MYH11: variants seen among roughly 807,000 people sequenced by gnomAD.
The protein encoded by MYH11 is myosin heavy chain 11.
A neutral mutation model predicts 246.6 loss-of-function variants in MYH11; 80 were observed. The observed-to-expected ratio is 0.32, with a 90% CI of 0.27 to 0.39. The LOEUF (loss-of-function observed/expected upper bound fraction) is 0.39, where lower values mean the gene tolerates loss of function less well. Among genes scored for constraint, MYH11 ranks in the 10% least tolerant of loss-of-function variants. The probability of loss-of-function intolerance (pLI) is 1.00; values close to 1 mark genes in which losing one functional copy is unlikely to be tolerated. For synonymous variants in MYH11, 1,071 were observed against 1,015.5 expected (o/e 1.05, Z -1.04); for missense variants, 2,158 against 2,546.8 (o/e 0.85, Z 3.29).
chr16:15,826,996 C>CAAAAA (rs10573425), intron 2 of MYH11, among the ~76,000 whole-genome samples: 1 of 57,982 alleles, frequency 1.7e-5, no homozygotes, highest in Non-Finnish European at 3.7e-5. Context: ...GAACCCATCT[C>CAAAAA]AAAAAAAAAA....
chr16:15,828,365 A>G (rs1230940636), intron 2 of MYH11, among the ~76,000 whole-genome samples: 3 of 152,136 alleles, frequency 2.0e-5, no homozygotes, highest in Non-Finnish European at 4.4e-5. Context: ...AGAGCCTTCA[A>G]TATGCTGTTC....
chr16:15,715,742 G>C (rs2040092760), intron 38 of MYH11, among the ~76,000 whole-genome samples: 1 of 152,114 alleles, frequency 6.6e-6, no homozygotes. Context: ...TGAACTCCTG[G>C]CTCAAGCAAT....
chr16:15,843,368 CAAGG>C lies in MYH11; in HGVS notation c.-17-5103_-17-5100del, dbSNP rs761721091. On this transcript the variant is annotated intron_variant, in intron 1 of 40. Coordinates refer to ENST00000300036, the MANE Select transcript of MYH11 (RefSeq NM_002474.3). ...CCTGGACAACAGAGCAAGACTTTGC[CAAGG>C]AAGGAAGGAAGGAAAGAAAGAAGAA... 1.1e-3 allele frequency among the ~76,000 whole-genome samples: 167 copies of C among 148,372 alleles called. 3 individuals carry two copies. Among genetic ancestry groups the C allele is most frequent in the Non-Finnish European group, 1.6e-3 (111 of 67,284 alleles).
rs577861248 is a variant in MYH11 at position 15,742,043 on chromosome 16, G to C, written c.2521-152C>G. On this transcript the variant is annotated intron_variant, in intron 20 of 40. Coordinates refer to ENST00000300036, the MANE Select transcript of MYH11 (RefSeq NM_002474.3). The stretch of plus-strand genomic sequence containing the variant: ...TCTGGAGACACTGCTGATTGTCACA[G>C]CTGGGGTGGGGGGTGCCTCTGGCAT... The C allele has an allele frequency of 1.5e-4, 188 of 1,253,400 alleles. No homozygotes were observed. In the African/African-American group the frequency reaches 2.7e-3, roughly 18 times the overall value. The allele number at this position is 1,253,400 out of a possible 1,614,324, so 77.6% of individuals were successfully genotyped here. A position where few individuals can be genotyped will look rare whatever the true frequency, so the allele number is the denominator to read the frequency against.
chr16:15,719,827 A>G, intron 34 of MYH11, 114 bp from the exon 35 acceptor site: 1 of 1,452,496 alleles, frequency 6.9e-7, no homozygotes, highest in South Asian at 1.1e-5. Context: ...ACCACAAAGA[A>G]GTTCCCATTG....
intron 3 of MYH11, among the ~76,000 whole-genome samples, chr16:15,809,483 G>A (rs2043090614): frequency 1.3e-5 from 2 of 151,960 alleles, no homozygotes; most frequent in African/African-American, 4.8e-5. Context: ...AGTGAGCTAT[G>A]AGTGTGCCAC....
intron 27 of MYH11, among the ~76,000 whole-genome samples, chr16:15,731,249 C>G (rs58807953): frequency 7.2e-4 from 109 of 152,162 alleles, no homozygotes; most frequent in African/African-American, 2.6e-3. Context: ...TGATAGGCCC[C>G]ACCCATCCTA....
chr16:15,753,346 A>C (rs778961767), intron 15 of MYH11, 48 bp downstream of exon 15: 3 of 1,557,444 alleles, frequency 1.9e-6, no homozygotes, highest in Admixed American at 3.4e-5. Flanking sequence ...TGGGTGTTCA[A>C]TTCTCCAGCT....
chr16:15,725,794 G>C (rs1163236813), intron 28 of MYH11: 1 of 398,348 alleles, frequency 2.5e-6, no homozygotes, highest in Non-Finnish European at 4.4e-6. Flanking sequence ...GCTATGCCAA[G>C]TGAAAGAAGA....
At chr16:15,752,966 T>C (rs1389986511) in intron 15 of MYH11, among the ~76,000 whole-genome samples, 4 of 152,170 alleles carry the variant, frequency 2.6e-5, no homozygotes, top group Admixed American at 6.5e-5. Flanking sequence ...ATAATACCTC[T>C]AGTAGAGACG....
intron 11 of MYH11, 130 bp from the exon 12 acceptor site, chr16:15,759,858 A>T (rs964105191): frequency 8.5e-7 from 1 of 1,179,406 alleles, no homozygotes; most frequent in African/African-American, 1.5e-5. Context: ...GCACTTTGGG[A>T]GGCCGAGGCA....
intron 2 of MYH11, 31 bp downstream of exon 2, chr16:15,837,877 G>A: frequency 6.3e-7 from 1 of 1,582,872 alleles, no homozygotes; most frequent in Non-Finnish European, 8.7e-7. Context: ...ATGAGGCCAG[G>A]AGTAGGTACC....
At chr16:15,705,701 G>A (rs2039410694) in intron 40 of MYH11, among the ~76,000 whole-genome samples, 1 of 152,128 alleles carries the variant, frequency 6.6e-6, no homozygotes, top group African/African-American at 2.4e-5. Context: ...GAACAACTCG[G>A]CTGGGCATGG....
rs1251994990 is a variant in MYH11 at position 15,726,827 on chromosome 16, ACCACCGCG to A, written c.3858+13_3858+20del. The A allele has an allele frequency of 1.9e-6, 3 of 1,610,194 alleles. No homozygotes were observed. In the Admixed American group the frequency reaches 5.0e-5, roughly 27 times the overall value. On this transcript the variant is annotated intron_variant, in intron 28 of 40. Transcript: ENST00000300036. ...GGCACCACCCAGCACTGCCCACCAC[ACCACCGCG>A]CCACCTCCTCACCTGCAGCTTGTGG...
At chr16:15,771,338 C>A (rs1433108131) in intron 9 of MYH11, among the ~76,000 whole-genome samples, 1 of 151,994 alleles carries the variant, frequency 6.6e-6, no homozygotes, top group Non-Finnish European at 1.5e-5. Flanking sequence ...GTCACTTTCC[C>A]TTTGGTTTAA....
intron 26 of MYH11, among the ~76,000 whole-genome samples, chr16:15,734,776 G>T (rs1021509266): frequency 2.0e-5 from 3 of 152,114 alleles, no homozygotes; most frequent in Non-Finnish European, 4.4e-5. Flanking sequence ...GCTATTATTA[G>T]TGTTAGTGTA....
intron 28 of MYH11, 158 bp from the exon 29 acceptor site, chr16:15,725,150 C>CA: frequency 1.9e-6 from 1 of 522,720 alleles, no homozygotes; most frequent in Non-Finnish European, 3.4e-6. Context: ...AAAAAAAAAA[C>CA]ACACACACAC....
intron 3 of MYH11, among the ~76,000 whole-genome samples, chr16:15,801,831 C>A (rs2042894004): frequency 1.3e-5 from 2 of 152,016 alleles, no homozygotes; most frequent in Admixed American, 1.3e-4. Context: ...GTAGCATGCA[C>A]CTGTAATCCA....
At chr16:15,732,376 A>T (rs1221704317) in intron 27 of MYH11, 188 bp downstream of exon 27, 2 of 830,484 alleles carry the variant, frequency 2.4e-6, no homozygotes, top group Non-Finnish European at 3.8e-6. Flanking sequence ...CTGGGATTAC[A>T]GGCGTGAGCC....
Sources: allele counts gnomAD v4.1 joint callset (sites outside exome capture counted in the v4.1 genomes callset), GRCh38; gene constraint gnomAD v4.1.1; transcripts MANE v1.5; gene names NCBI Gene and HGNC (gene_info 2026-07-23, HGNC 2026-07-21).